The following KIAA1549L variants were observed in gnomAD, a reference collection of about 807,000 sequenced individuals.
KIAA1549L encodes KIAA1549 like.
A neutral mutation model predicts 160.7 loss-of-function variants in KIAA1549L; 88 were observed. The ratio of observed to expected loss-of-function variants is 0.55; its 90% confidence interval spans 0.46 to 0.65. The LOEUF (loss-of-function observed/expected upper bound fraction) is 0.65. Ranked by LOEUF, KIAA1549L falls within the 30% of genes least tolerant of loss-of-function variation. The probability of loss-of-function intolerance (pLI) is 0.00; values close to 1 mark genes in which losing one functional copy is unlikely to be tolerated. For missense variants in KIAA1549L, 2,258 were observed against 2,437.5 expected (o/e 0.93, Z 1.55); for synonymous variants, 950 against 976.7 (o/e 0.97, Z 0.51).
intron 1 of KIAA1549L, among the ~76,000 whole-genome samples, chr11:33,409,314 T>A (rs1220144215): frequency 6.6e-6 from 1 of 152,192 alleles, no homozygotes; most frequent in East Asian, 1.9e-4. Context: ...AGAAGGGTGA[T>A]GGTTCATAAC....
chr11:33,569,379 T>C (rs1022663772), intron 9 of KIAA1549L, among the ~76,000 whole-genome samples: 1 of 152,230 alleles, frequency 6.6e-6, no homozygotes, highest in Admixed American at 6.5e-5. Flanking sequence ...TAGCTGCCTC[T>C]GGAGTGGGGA....
At chr11:33,599,049 C>A (rs1007961388) in intron 13 of KIAA1549L, 102 bp downstream of exon 13, 8 of 1,362,912 alleles carry the variant, frequency 5.9e-6, no homozygotes, top group Middle Eastern at 2.6e-4. Flanking sequence ...AGCCACTGGG[C>A]TCTGACCCTC....
intron 1 of KIAA1549L, among the ~76,000 whole-genome samples, chr11:33,433,313 C>T (rs1851289484): frequency 6.6e-6 from 1 of 152,164 alleles, no homozygotes; most frequent in Admixed American, 6.5e-5. Flanking sequence ...CAAAAGAAGA[C>T]ATTTACATGG....
intron 1 of KIAA1549L, among the ~76,000 whole-genome samples, chr11:33,520,529 C>G (rs1363098277): frequency 6.6e-6 from 1 of 152,074 alleles, no homozygotes; most frequent in Non-Finnish European, 1.5e-5. Flanking sequence ...TTTAGATTTA[C>G]TAACTTCTCA....
chr11:33,598,982 T>A, intron 13 of KIAA1549L, 35 bp downstream of exon 13: 2 of 1,609,968 alleles, frequency 1.2e-6, no homozygotes, highest in Non-Finnish European at 8.5e-7. Context: ...CACCCCCAGC[T>A]GCTCCCACGC....
intron 1 of KIAA1549L, chr11:33,403,265 A>AT (rs1850546408): frequency 1.9e-5 from 1 of 52,318 alleles, no homozygotes; most frequent in Non-Finnish European, 4.3e-5. Context: ...ACACAGACAC[A>AT]GACACACACA....
At chr11:33,535,783 C>T (rs1383380777) in intron 1 of KIAA1549L, among the ~76,000 whole-genome samples, 1 of 152,178 alleles carries the variant, frequency 6.6e-6, no homozygotes, top group Non-Finnish European at 1.5e-5. Flanking sequence ...ACATTAGAGT[C>T]TGCCTGACAT....
chr11:33,455,971 C>A (rs749043233), intron 1 of KIAA1549L, among the ~76,000 whole-genome samples: 7 of 152,116 alleles, frequency 4.6e-5, no homozygotes, highest in Non-Finnish European at 1.0e-4. Context: ...TCAGCAGCTC[C>A]CCTGTGGTCT....
chr11:33,550,265 T>C (rs1298832933), intron 4 of KIAA1549L, among the ~76,000 whole-genome samples: 1 of 151,980 alleles, frequency 6.6e-6, no homozygotes, highest in Admixed American at 6.5e-5. Context: ...TATGTGTATA[T>C]ATGTTACTCT....
At chr11:33,624,277 C>G (rs1851036274) in intron 16 of KIAA1549L, among the ~76,000 whole-genome samples, 2 of 152,230 alleles carry the variant, frequency 1.3e-5, no homozygotes, top group Admixed American at 1.3e-4. Context: ...CCTGCAAGAG[C>G]TGACATCTGA....
chr11:33,649,825 G>C (rs1452232345), intron 17 of KIAA1549L, among the ~76,000 whole-genome samples: 2 of 143,846 alleles, frequency 1.4e-5, no homozygotes, highest in African/African-American at 5.2e-5. Flanking sequence ...CCAGGAGTTC[G>C]AGGCTGGCCT....
At chr11:33,545,667 A>C (rs1854229273) in intron 3 of KIAA1549L, among the ~76,000 whole-genome samples, 1 of 152,238 alleles carries the variant, frequency 6.6e-6, no homozygotes, top group African/African-American at 2.4e-5. Context: ...GCCAAAGTTG[A>C]GAAACCATGA....
intron 1 of KIAA1549L, among the ~76,000 whole-genome samples, chr11:33,531,627 A>G (rs1853775586): frequency 6.6e-6 from 1 of 152,272 alleles, no homozygotes; most frequent in African/African-American, 2.4e-5. Flanking sequence ...TGCAGTCAAC[A>G]GAATCTTCTA....
rs2295063 is a variant in KIAA1549L, at chr11:33,660,805, G to A, written c.6008-58G>A. ...AACTGACTTTATTTGGCTCTTGGGT[G>A]GCTGGATCCCTCAGACCAGCCTCTC... is the stretch of plus-strand genomic sequence containing the variant. On this transcript the variant is annotated intron_variant, in intron 19 of 20. Transcript: ENST00000658780. 20,539 of 1,560,852 alleles carry A rather than the reference G, an allele frequency of 0.013. 1,341 individuals carry two copies. The East Asian group carries it at 0.2, about 15-fold the overall frequency.
intron 1 of KIAA1549L, among the ~76,000 whole-genome samples, chr11:33,506,542 A>G (rs534005860): frequency 1.2e-4 from 19 of 152,230 alleles, no homozygotes; most frequent in Admixed American, 6.5e-5. Flanking sequence ...CCTGGGCAAC[A>G]TAGCGAGACC....
chr11:33,438,794 A>G (rs910126281), intron 1 of KIAA1549L, among the ~76,000 whole-genome samples: 1 of 148,438 alleles, frequency 6.7e-6, no homozygotes, highest in Non-Finnish European at 1.5e-5. Context: ...TTCTTCCTCT[A>G]TTGACTTTTC....
chr11:33,403,300 C>CACA (rs74219582), intron 1 of KIAA1549L: 1 of 2,340 alleles, frequency 4.3e-4, no homozygotes, highest in East Asian at 0.014. Flanking sequence ...CACACACACA[C>CACA]GCATACACGG....
intron 3 of KIAA1549L, among the ~76,000 whole-genome samples, chr11:33,545,857 A>G (rs1255257257): frequency 6.6e-6 from 1 of 152,246 alleles, no homozygotes; most frequent in Non-Finnish European, 1.5e-5. Context: ...GTAAGATACA[A>G]CATCTTGGGA....
At chr11:33,545,538 G>A (rs941578596) in intron 3 of KIAA1549L, among the ~76,000 whole-genome samples, 160 bp downstream of exon 3, 12 of 152,204 alleles carry the variant, frequency 7.9e-5, no homozygotes, top group African/African-American at 2.9e-4. Context: ...TGTTATGCTT[G>A]ATGGCTGGAG....
Sources: gnomAD v4.1 joint callset for allele counts (sites outside exome capture counted in the v4.1 genomes callset) on GRCh38, gnomAD v4.1.1 for gene constraint, MANE v1.5 for transcripts, NCBI Gene and HGNC (gene_info 2026-07-23, HGNC 2026-07-21) for gene names.